CDKN2B-AS1: variants seen among roughly 807,000 people sequenced by gnomAD.
CDKN2B-AS1 encodes CDKN2B antisense RNA 1 (non-protein coding).
chr9:22,103,106 T>C (rs971413147), intron 4 of CDKN2B-AS1, among the ~76,000 whole-genome samples: 2 of 151,060 alleles, frequency 1.3e-5, no homozygotes, highest in African/African-American at 2.4e-5. Context: ...ACTTTCTGCA[T>C]TCTGGGGTTT....
intron 4 of CDKN2B-AS1, among the ~76,000 whole-genome samples, chr9:22,124,653 T>A (rs1817990438): frequency 6.6e-6 from 1 of 152,252 alleles, no homozygotes. Flanking sequence ...GTTTTTCTAG[T>A]TGAGCTATCA....
chr9:22,106,079 T>C (rs554018676), intron 4 of CDKN2B-AS1, among the ~76,000 whole-genome samples: 2 of 151,846 alleles, frequency 1.3e-5, no homozygotes, highest in Non-Finnish European at 2.9e-5. Flanking sequence ...TCTGGATAAT[T>C]TTTGTACTTT....
chr9:22,054,814 C>T (rs1367576873), intron 3 of CDKN2B-AS1, among the ~76,000 whole-genome samples: 1 of 150,704 alleles, frequency 6.6e-6, no homozygotes, highest in Non-Finnish European at 1.5e-5. Flanking sequence ...GAGTCTCACT[C>T]TGTCTCAGCT....
chr9:22,064,610 G>C (rs1012776108), intron 4 of CDKN2B-AS1, among the ~76,000 whole-genome samples: 1 of 152,178 alleles, frequency 6.6e-6, no homozygotes, highest in African/African-American at 2.4e-5. Flanking sequence ...ATCAGTTCGA[G>C]ACAGAGATAT....
intron 1 of CDKN2B-AS1, among the ~76,000 whole-genome samples, chr9:22,020,005 T>C (rs958088733): frequency 1.3e-5 from 2 of 152,142 alleles, no homozygotes; most frequent in Non-Finnish European, 2.9e-5. Context: ...TTATTTTTCC[T>C]TATTTTCTCC....
intron 4 of CDKN2B-AS1, among the ~76,000 whole-genome samples, chr9:22,107,125 T>A (rs571211147): frequency 1.3e-5 from 2 of 152,214 alleles, no homozygotes; most frequent in South Asian, 4.1e-4. Flanking sequence ...AGCAGGGAGA[T>A]CAGTTAGAAG....
At chr9:22,008,848 C>A (rs1194968242) in intron 1 of CDKN2B-AS1, 2 of 1,610,388 alleles carry the variant, frequency 1.2e-6, no homozygotes, top group Admixed American at 1.7e-5. Context: ...TCCGCGCCGG[C>A]TTCCAGGAGC....
At chr9:22,065,163 T>C (rs1450853866) in intron 4 of CDKN2B-AS1, among the ~76,000 whole-genome samples, 2 of 152,210 alleles carry the variant, frequency 1.3e-5, no homozygotes, top group African/African-American at 4.8e-5. Context: ...CCCTGGAGTT[T>C]GAGTACCTCC....
At chr9:22,043,289 C>A (rs1822973278) in intron 1 of CDKN2B-AS1, among the ~76,000 whole-genome samples, 1 of 151,938 alleles carries the variant, frequency 6.6e-6, no homozygotes, top group South Asian at 2.1e-4. Flanking sequence ...AAGGCTGTTT[C>A]ATATTCATAG....
intron 1 of CDKN2B-AS1, among the ~76,000 whole-genome samples, chr9:22,017,506 A>G (rs1324343233): frequency 6.6e-6 from 1 of 152,120 alleles, no homozygotes; most frequent in African/African-American, 2.4e-5. Context: ...GCATATAATT[A>G]TTTATTTATT....
chr9:22,097,262 A>T (rs528055551), intron 4 of CDKN2B-AS1: 1 of 152,356 alleles, frequency 6.6e-6, no homozygotes, highest in Admixed American at 6.5e-5. Flanking sequence ...ACCCAGGTGG[A>T]GAACTTCAGT....
chr9:22,119,741 G>C (rs985773440), intron 4 of CDKN2B-AS1: 1 of 152,202 alleles, frequency 6.6e-6, no homozygotes, highest in Non-Finnish European at 1.5e-5. Flanking sequence ...GCCAGTCTGG[G>C]TCCAAAAGGG....
chr9:22,073,107 T>G (rs76961142), intron 4 of CDKN2B-AS1, among the ~76,000 whole-genome samples: 14 of 152,186 alleles, frequency 9.2e-5, no homozygotes, highest in African/African-American at 2.9e-4. Context: ...TTTTCTCTTA[T>G]TAATTTCTAT....
intron 1 of CDKN2B-AS1, chr9:22,029,557 G>T (rs370632897): frequency 2.6e-6 from 2 of 778,812 alleles, no homozygotes; most frequent in Admixed American, 1.7e-5. Flanking sequence ...GTGGTAGTTA[G>T]GGTGTGGTAT....
intron 4 of CDKN2B-AS1, among the ~76,000 whole-genome samples, chr9:22,103,454 A>C (rs1351520053): frequency 6.6e-6 from 1 of 152,118 alleles, no homozygotes; most frequent in Non-Finnish European, 1.5e-5. Context: ...GCATTCCTGC[A>C]TGCTGACATC....
At chr9:22,020,233 C>T (rs1821959917) in intron 1 of CDKN2B-AS1, among the ~76,000 whole-genome samples, 1 of 152,198 alleles carries the variant, frequency 6.6e-6, no homozygotes, top group African/African-American at 2.4e-5. Context: ...GCATAGTATT[C>T]CATGGTGTAT....
chr9:22,103,265 T>C (rs1825553044), intron 4 of CDKN2B-AS1, among the ~76,000 whole-genome samples: 1 of 151,968 alleles, frequency 6.6e-6, no homozygotes, highest in Non-Finnish European at 1.5e-5. Flanking sequence ...TATGTCATTA[T>C]CACCACTGAT....
chr9:22,121,127 T>C (rs987162695), intron 4 of CDKN2B-AS1: 1 of 152,068 alleles, frequency 6.6e-6, no homozygotes, highest in African/African-American at 2.4e-5. Context: ...TAATACTTTT[T>C]CACCCCATAA....
chr9:22,106,778 T>C (rs1368332690), intron 4 of CDKN2B-AS1, among the ~76,000 whole-genome samples: 5 of 152,162 alleles, frequency 3.3e-5, no homozygotes, highest in Non-Finnish European at 7.3e-5. Context: ...ATAATAGTAA[T>C]AATAACCAAA....
Sources: allele counts gnomAD v4.1 joint callset (sites outside exome capture counted in the v4.1 genomes callset), GRCh38; gene constraint gnomAD v4.1.1; transcripts MANE v1.5; gene names NCBI Gene and HGNC (gene_info 2026-07-23, HGNC 2026-07-21).